The following GTF2IRD1 variants were observed in gnomAD, a reference collection of about 807,000 sequenced individuals.
GTF2IRD1 encodes general transcription factor II-I repeat domain-containing protein 1.
GTF2IRD1 carries 26 observed loss-of-function variants against 113.2 expected under a neutral mutation model. The ratio of observed to expected loss-of-function variants is 0.23; its 90% confidence interval spans 0.17 to 0.32. The LOEUF is 0.32. Among genes scored for constraint, GTF2IRD1 ranks in the 10% least tolerant of loss-of-function variants. GTF2IRD1 has a pLI of 1.00. For synonymous variants in GTF2IRD1, 484 were observed against 529.1 expected (o/e 0.91, Z 1.17); for missense variants, 864 against 1,280.8 (o/e 0.67, Z 4.97).
intron 1 of GTF2IRD1, among the ~76,000 whole-genome samples, chr7:74,463,527 T>A (rs1328831315): frequency 1.3e-5 from 2 of 151,666 alleles, no homozygotes; most frequent in African/African-American, 4.8e-5. Flanking sequence ...AGCCACTGCG[T>A]CCTGCCTGTT....
At chr7:74,563,617 G>C (rs1202503322) in intron 22 of GTF2IRD1, among the ~76,000 whole-genome samples, 2 of 151,284 alleles carry the variant, frequency 1.3e-5, no homozygotes, top group Non-Finnish European at 2.9e-5. Flanking sequence ...CAGGAACAGT[G>C]GTTCACCCCT....
intron 1 of GTF2IRD1, among the ~76,000 whole-genome samples, chr7:74,483,762 G>T (rs1163420704): frequency 6.6e-6 from 1 of 151,994 alleles, no homozygotes; most frequent in South Asian, 2.1e-4. Flanking sequence ...GGCTGAGGCC[G>T]GCAGATGGCT....
At chr7:74,576,729 T>C (rs1241203031) in intron 22 of GTF2IRD1, among the ~76,000 whole-genome samples, 3 of 137,670 alleles carry the variant, frequency 2.2e-5, no homozygotes, top group Non-Finnish European at 4.6e-5. Context: ...CAAGCAATTC[T>C]CCTGCCTCAG....
At chr7:74,515,262 C>T (rs1562823018) in intron 3 of GTF2IRD1, 179 bp from the exon 4 acceptor site, 1 of 1,319,052 alleles carries the variant, frequency 7.6e-7, no homozygotes. Context: ...AGCCCTGGCC[C>T]TCAGTGGGGT....
intron 9 of GTF2IRD1, among the ~76,000 whole-genome samples, chr7:74,533,247 G>T (rs1400314794): frequency 1.3e-5 from 2 of 149,496 alleles, no homozygotes; most frequent in Non-Finnish European, 3.0e-5. Context: ...CAATTCTCCT[G>T]CCTCCGCCTC....
At chr7:74,566,653 A>T (rs1800337876) in intron 22 of GTF2IRD1, among the ~76,000 whole-genome samples, 1 of 152,092 alleles carries the variant, frequency 6.6e-6, no homozygotes, top group African/African-American at 2.4e-5. Flanking sequence ...CGTCATACTT[A>T]CGATTTGCCG....
chr7:74,474,529 T>C (rs906015550), intron 1 of GTF2IRD1, among the ~76,000 whole-genome samples: 2 of 152,192 alleles, frequency 1.3e-5, no homozygotes, highest in Non-Finnish European at 2.9e-5. Flanking sequence ...GGGGACATTG[T>C]AGGGGTGCAG....
chr7:74,600,218 T>A lies in GTF2IRD1; in HGVS notation c.2630-826T>A, dbSNP rs587732854. On this transcript the variant is annotated intron_variant, in intron 25 of 26. Transcript: ENST00000424337. ...GCTGAGGCAGGAGGATTGCTTGAGG[T>A]TGGGAATTGGAGACCAGCCTGGGCA... 5.3e-4 allele frequency among the ~76,000 whole-genome samples: 80 copies of A among 151,806 alleles called. 2 individuals are homozygous for A. Among genetic ancestry groups the A allele is most frequent in the Non-Finnish European group, 7.4e-5 (5 of 67,930 alleles).
intron 22 of GTF2IRD1, among the ~76,000 whole-genome samples, chr7:74,583,371 CTTTT>C (rs1168890388): frequency 8.2e-6 from 1 of 122,306 alleles, no homozygotes. Flanking sequence ...CTTTTTTTTT[CTTTT>C]TTTTTTTTTT....
At chr7:74,543,404 T>A (rs587643278) in intron 14 of GTF2IRD1, among the ~76,000 whole-genome samples, 2 of 151,904 alleles carry the variant, frequency 1.3e-5, no homozygotes, top group African/African-American at 4.8e-5. Context: ...ACCCAGGAGG[T>A]GGAGGTTGCA....
rs116462814 is a variant in GTF2IRD1 at position 74,503,804 on chromosome 7, T to A, written c.-6-4271T>A. Among the ~76,000 whole-genome samples the A allele has an allele frequency of 3.7e-3, 559 of 152,316 alleles. 4 individuals carry two copies. Among genetic ancestry groups the A allele is most frequent in the African/African-American group, 0.013 (535 of 41,562 alleles). ...TCTCAGGGTACATGTGCAGGTTTGT[T>A]ACAAAGGTATATTGTACGATGCTGA... On this transcript the variant is annotated intron_variant, in intron 1 of 26. Coordinates refer to ENST00000424337, the MANE Select transcript of GTF2IRD1 (RefSeq NM_005685.4).
At chr7:74,504,840 T>TG (rs1554340600) in intron 1 of GTF2IRD1, among the ~76,000 whole-genome samples, 1 of 151,300 alleles carries the variant, frequency 6.6e-6, no homozygotes, top group Non-Finnish European at 1.5e-5. Flanking sequence ...CCCAAGTAGC[T>TG]GGGATTACAG....
chr7:74,486,281 G>A (rs782769084), intron 1 of GTF2IRD1, among the ~76,000 whole-genome samples: 23 of 152,194 alleles, frequency 1.5e-4, no homozygotes, highest in Admixed American at 5.2e-4. Flanking sequence ...AGAAACAGAG[G>A]CTTAGGAGAG....
At chr7:74,479,528 C>T (rs991837040) in intron 1 of GTF2IRD1, among the ~76,000 whole-genome samples, 10 of 152,068 alleles carry the variant, frequency 6.6e-5, no homozygotes, top group Admixed American at 2.0e-4. Flanking sequence ...GCAGGGAAGG[C>T]GCCTCCCTTG....
chr7:74,520,793 G>A (rs1488753826), intron 6 of GTF2IRD1, among the ~76,000 whole-genome samples: 5 of 142,852 alleles, frequency 3.5e-5, no homozygotes, highest in South Asian at 2.2e-4. Context: ...AAAAAAAAGC[G>A]TTTGGGTCTA....
At position 74,518,188 on chromosome 7, in the gene GTF2IRD1, G is replaced by A; in HGVS notation, c.471G>A (p.Leu157=). 6.2e-7 allele frequency: 1 copy of A among 1,610,118 alleles called. No homozygotes were observed. The highest frequency in any genetic ancestry group is 1.1e-5 in the South Asian group (1 of 90,804). The change falls in exon 5 of 27, where the codon CTG becomes CTA. Residue 157 remains leucine, a synonymous_variant. Transcript: ENST00000424337. ...TGGTGCCACTGCCCTATGAGAGGCT[G>A]CTCAGGGAGCCAGGGCTGCTGGCCG... ...ASVVPLPYER[L]LREPGLLAVQ...
intron 1 of GTF2IRD1, among the ~76,000 whole-genome samples, chr7:74,473,990 G>A (rs957790587): frequency 5.9e-5 from 9 of 151,994 alleles, no homozygotes; most frequent in Admixed American, 2.0e-4. Flanking sequence ...TTGGGAGGCC[G>A]AGGCGGGTGG....
intron 1 of GTF2IRD1, among the ~76,000 whole-genome samples, chr7:74,488,869 G>A (rs543123547): frequency 6.6e-5 from 10 of 151,748 alleles, no homozygotes; most frequent in Non-Finnish European, 1.0e-4. Flanking sequence ...TTGCCTGGGC[G>A]CGGTGGTTCA....
At chr7:74,507,289 C>T (rs1340703829) in intron 1 of GTF2IRD1, 1 of 152,064 alleles carries the variant, frequency 6.6e-6, no homozygotes, top group Non-Finnish European at 1.5e-5. Flanking sequence ...GCCTGGCCAA[C>T]ATGGTGAAAC....
Sources: allele counts gnomAD v4.1 joint callset (sites outside exome capture counted in the v4.1 genomes callset), GRCh38; gene constraint gnomAD v4.1.1; transcripts MANE v1.5; gene names NCBI Gene and HGNC (gene_info 2026-07-23, HGNC 2026-07-21).